ASPM: variants seen among roughly 807,000 people sequenced by gnomAD.
ASPM encodes abnormal spindle-like microcephaly-associated protein.
Under a neutral mutation model 366.4 loss-of-function variants are expected in ASPM, and 256 were observed. The observed-to-expected ratio is 0.70, with a 90% CI of 0.63 to 0.77. The LOEUF is 0.77. Ranked by LOEUF, ASPM falls within the 30% of genes least tolerant of loss-of-function variation. The probability of loss-of-function intolerance (pLI) is 0.00; values close to 1 mark genes in which losing one functional copy is unlikely to be tolerated. For synonymous variants in ASPM, 1,414 were observed against 1,342.9 expected, an observed-to-expected ratio of 1.05 and a Z score of -1.16; for missense variants, 4,146 against 4,090.4, an observed-to-expected ratio of 1.01 and a Z score of -0.37.
intron 10 of ASPM, among the ~76,000 whole-genome samples, chr1:197,128,133 C>T (rs1330410551): frequency 2.0e-5 from 3 of 150,564 alleles, no homozygotes; most frequent in African/African-American, 7.4e-5. Flanking sequence ...CAGTGCCCTC[C>T]AGACTGGGCA....
intron 17 of ASPM, among the ~76,000 whole-genome samples, chr1:197,115,634 G>A (rs1181725498): frequency 6.6e-6 from 1 of 152,198 alleles, no homozygotes; most frequent in Non-Finnish European, 1.5e-5. Context: ...AATGGATGTT[G>A]TGTTAGCAGG....
At chr1:197,143,890 T>A in intron 2 of ASPM, 67 bp downstream of exon 2, 1 of 1,546,000 alleles carries the variant, frequency 6.5e-7, no homozygotes, top group Non-Finnish European at 8.9e-7. Flanking sequence ...AAGCCTGTTA[T>A]CAAAATAAGT....
At chr1:197,120,573 A>C (rs901308230) in intron 16 of ASPM, among the ~76,000 whole-genome samples, 2 of 152,158 alleles carry the variant, frequency 1.3e-5, no homozygotes, top group African/African-American at 4.8e-5. Context: ...TATCTTGAGC[A>C]GAAAATAAAA....
intron 7 of ASPM, among the ~76,000 whole-genome samples, chr1:197,130,746 C>A (rs1658231808): frequency 6.6e-6 from 1 of 152,004 alleles, no homozygotes; most frequent in African/African-American, 2.4e-5. Context: ...TTTAAAGAAT[C>A]CTAGGGTGTA....
chr1:197,115,847 A>C (rs888231743), intron 17 of ASPM, among the ~76,000 whole-genome samples: 2 of 152,214 alleles, frequency 1.3e-5, no homozygotes, highest in African/African-American at 4.8e-5. Context: ...GAGTATATTT[A>C]GCATAATTCT....
In ASPM at chr1:197,124,126, G is replaced by A. The variant is rs1432937917; in HGVS notation, c.3374C>T (p.Ala1125Val). The change falls in exon 13 of 28, where the codon GCC (alanine) becomes GTC (valine). Residue 1125 changes from alanine to valine, a missense_variant. This residue lies in a region of ASPM where 3,624 missense variants were observed against 3,591.7 expected (regional missense o/e 1.01). Coordinates refer to ENST00000367409, the MANE Select transcript of ASPM (RefSeq NM_018136.5). ...GAAACTTACCTTTTTATTATAGAAG[G>A]CACAAACAGCATTTACCCAATCCAT... is the stretch of plus-strand genomic sequence containing the variant. ...LLMDWVNAVC[A>V]FYNKKVENFT... 3.7e-6 allele frequency: 6 copies of A among 1,609,146 alleles called. No homozygotes were observed. Among genetic ancestry groups the A allele is most frequent in the Admixed American group, 1.7e-5 (1 of 59,908 alleles).
intron 16 of ASPM, among the ~76,000 whole-genome samples, chr1:197,118,843 A>G (rs1181427166): frequency 1.3e-5 from 2 of 152,152 alleles, no homozygotes; most frequent in Admixed American, 6.6e-5. Context: ...ATACTGTCCA[A>G]TACTAGATTT....
intron 1 of ASPM, among the ~76,000 whole-genome samples, chr1:197,145,891 T>A (rs1658761751): frequency 6.6e-6 from 1 of 150,636 alleles, no homozygotes; most frequent in African/African-American, 2.5e-5. Context: ...ATATATATAC[T>A]CACACACATG....
Position 197,102,647 on chromosome 1 carries a change from T to G in ASPM, c.6604A>C (p.Arg2202=), listed in dbSNP as rs1211143753. ...AATLIQSNYR[R]YRQQTYFNKL... The stretch of plus-strand genomic sequence containing the variant: ...TTAAAGTATGTTTGCTGTCTGTATC[T>G]TCTGTAGTTTGACTGAATGAGTGTT... Residue 2202 remains arginine, a synonymous_variant, in exon 18 of 28, where the codon AGA becomes CGA. Coordinates refer to ENST00000367409, the MANE Select transcript of ASPM (RefSeq NM_018136.5). 6.2e-7 allele frequency: 1 copy of G among 1,612,760 alleles called. No homozygotes were observed.
At position 197,094,080 on chromosome 1, in the gene ASPM, C is replaced by T. The variant is rs762302327; in HGVS notation, c.9084+4G>A. 11 of 1,517,222 alleles carry T rather than the reference C, an allele frequency of 7.3e-6. No homozygotes were observed. Among genetic ancestry groups the T allele is most frequent in the Middle Eastern group, 1.9e-4 (1 of 5,334 alleles). The allele number at this position is 1,517,222 out of a possible 1,614,324, so 94.0% of individuals were successfully genotyped here. On this transcript the variant is annotated splice_donor_region_variant and intron_variant, in intron 20 of 27. Transcript: ENST00000367409. ...TTGCAAGTGAATTAATTTTTAATAC[C>T]TACTTTTATCATTAAGAAGTGTTCA...
At chr1:197,084,861 A>G (rs1011918238) in intron 27 of ASPM, among the ~76,000 whole-genome samples, 1 of 152,156 alleles carries the variant, frequency 6.6e-6, no homozygotes, top group Non-Finnish European at 1.5e-5. Flanking sequence ...ATCACATACT[A>G]GACTTTGTCA....
chr1:197,122,637 A>T (rs1657949902), intron 13 of ASPM, 42 bp from the exon 14 acceptor site: 2 of 1,500,104 alleles, frequency 1.3e-6, no homozygotes, highest in Admixed American at 3.9e-5. Flanking sequence ...GCATTTAGAA[A>T]GTAGTATAGA....
chr1:197,103,228 C>A lies in ASPM; in HGVS notation c.6023G>T (p.Ser2008Ile). 1 of 1,612,796 alleles carries A rather than the reference C, an allele frequency of 6.2e-7. No homozygotes were observed. Among genetic ancestry groups the A allele is most frequent in the African/African-American group, 1.3e-5 (1 of 74,924 alleles). Residue 2008 changes from serine (S) to isoleucine (I), a missense_variant, in exon 18 of 28, where the codon AGT becomes ATT. This residue lies in a region of ASPM where 3,624 missense variants were observed against 3,591.7 expected (regional missense o/e 1.01). Transcript: ENST00000367409. ...TAAATGATTCTGTTCTCTTCCAATA[C>A]TGTAAGCCCTATAATACTTTTGAAT... ...LLIQKYYRAY[S>I]IGREQNHLYL...
chr1:197,112,552 G>A (rs12085377), intron 17 of ASPM, among the ~76,000 whole-genome samples: 26,784 of 151,982 alleles, frequency 0.18, 3,849 homozygotes, highest in East Asian at 0.69. Flanking sequence ...AAACTGTTTA[G>A]GGCAAACCTG....
intron 18 of ASPM, among the ~76,000 whole-genome samples, chr1:197,096,834 G>A (rs142991564): frequency 1.2e-3 from 188 of 151,810 alleles, no homozygotes; most frequent in African/African-American, 4.3e-3. Flanking sequence ...TTAATAAGTG[G>A]CAGAGTTGTC....
chr1:197,100,966 G>C lies in ASPM; in HGVS notation c.8285C>G (p.Ser2762Ter), dbSNP rs750533461. 2 of 1,612,552 alleles carry C rather than the reference G, an allele frequency of 1.2e-6. No homozygotes were observed. Among genetic ancestry groups the C allele is most frequent in the Admixed American group, 1.7e-5 (1 of 59,752 alleles). ...MKVRQKLKNVSEEKMAAIVNQ... is the reference protein window; with the variant it reads ...MKVRQKLKNV ...AACAATGGCTGCCATCTTTTCCTCT[G>C]ATACATTTTTCAATTTTTGTCTAAC... Residue 2762 changes from serine to a stop codon, truncating the protein, a stop_gained, in exon 18 of 28, where the codon TCA becomes TGA. Coordinates refer to ENST00000367409, the MANE Select transcript of ASPM (RefSeq NM_018136.5). LOFTEE classifies it high-confidence loss of function.
At chr1:197,139,135 CT>C in intron 4 of ASPM, 2 of 864,780 alleles carry the variant, frequency 2.3e-6, no homozygotes, top group Non-Finnish European at 2.0e-6. Context: ...GTAGGTTTTT[CT>C]TTTAGATTTT....
At chr1:197,115,089 G>A (rs1259296438) in intron 17 of ASPM, among the ~76,000 whole-genome samples, 1 of 151,274 alleles carries the variant, frequency 6.6e-6, no homozygotes, top group Non-Finnish European at 1.5e-5. Context: ...TGTTGCCCAG[G>A]CTGATCTCGA....
At chr1:197,106,617 C>A (rs1657419270) in intron 17 of ASPM, among the ~76,000 whole-genome samples, 1 of 151,948 alleles carries the variant, frequency 6.6e-6, no homozygotes, top group South Asian at 2.1e-4. Flanking sequence ...TGATATATAA[C>A]ATGGAAGATA....
Sources: gnomAD v4.1 joint callset for allele counts (sites outside exome capture counted in the v4.1 genomes callset) on GRCh38, gnomAD v4.1.1 for gene constraint, gnomAD v4.1.1 regional missense constraint, MANE v1.5 for transcripts, NCBI Gene and HGNC (gene_info 2026-07-23, HGNC 2026-07-21) for gene names.